DGKB: variants seen among roughly 807,000 people sequenced by gnomAD.
The protein encoded by DGKB is 90 kDa diacylglycerol kinase.
In DGKB, 67 loss-of-function variants were observed where a neutral mutation model predicts 114.3. The observed-to-expected ratio is 0.59, with a 90% CI of 0.48 to 0.72. DGKB has a LOEUF of 0.72. Ranked by LOEUF, DGKB falls within the 30% of genes least tolerant of loss-of-function variation. DGKB has a pLI of 0.00. For missense variants in DGKB, 907 were observed against 975.2 expected (o/e 0.93, Z 0.93); for synonymous variants, 398 against 323.1 (o/e 1.23, Z -2.49).
chr7:14,250,605 A>G (rs1037790943), intron 23 of DGKB, among the ~76,000 whole-genome samples: 2 of 152,132 alleles, frequency 1.3e-5, no homozygotes, highest in Admixed American at 1.3e-4. Context: ...CTTGAACAGA[A>G]TGTGCATTCT....
chr7:14,622,248 C>A (rs1214746349), intron 14 of DGKB, among the ~76,000 whole-genome samples: 1 of 151,968 alleles, frequency 6.6e-6, no homozygotes, highest in Non-Finnish European at 1.5e-5. Flanking sequence ...TTCCAGGACA[C>A]TTCTTTCTCT....
At chr7:14,882,947 AT>A (rs775566643) in intron 1 of DGKB, among the ~76,000 whole-genome samples, 3 of 151,938 alleles carry the variant, frequency 2.0e-5, no homozygotes, top group Non-Finnish European at 2.9e-5. Context: ...GAGTGCAGGT[AT>A]CTTTTGACAT....
upstream of DGKB, among the ~76,000 whole-genome samples, chr7:14,906,334 TAATAA>T (rs1228049273): frequency 1.3e-5 from 2 of 152,210 alleles, no homozygotes; most frequent in African/African-American, 4.8e-5. Context: ...TCATCACTCT[TAATAA>T]ATTAATTCTT....
intron 22 of DGKB, among the ~76,000 whole-genome samples, chr7:14,344,213 A>C (rs1812102941): frequency 6.6e-6 from 1 of 151,366 alleles, no homozygotes; most frequent in Admixed American, 6.6e-5. Flanking sequence ...TTCCTTTCAA[A>C]GGTTATGATC....
At chr7:14,567,764 G>A (rs1797803471) in intron 20 of DGKB, among the ~76,000 whole-genome samples, 1 of 150,406 alleles carries the variant, frequency 6.6e-6, no homozygotes, top group East Asian at 2.0e-4. Context: ...GTGCCTCCAT[G>A]CCCAGCTAAT....
chr7:14,427,625 G>A (rs1229219385), intron 21 of DGKB, among the ~76,000 whole-genome samples: 1 of 152,130 alleles, frequency 6.6e-6, no homozygotes, highest in Admixed American at 6.6e-5. Context: ...CACATGGCTG[G>A]GGAGGACTCA....
At position 14,416,994 on chromosome 7, in the gene DGKB, T is replaced by C. The variant is rs144679567; in HGVS notation, c.1835+61167A>G. 2.4e-3 allele frequency among the ~76,000 whole-genome samples: 359 copies of C among 152,158 alleles called. 3 individuals carry two copies. In the Middle Eastern group the frequency reaches 0.024, roughly 10 times the overall value. ...TTCCTTAGTGTAAGCAATCCAACAATGAAATATTCTCACAGTTACTGTACA... is the reference window on the plus strand; with the variant it reads ...TTCCTTAGTGTAAGCAATCCAACAACGAAATATTCTCACAGTTACTGTACA... On this transcript the variant is annotated intron_variant, in intron 21 of 25. Coordinates refer to ENST00000402815, the MANE Select transcript of DGKB (RefSeq NM_001350709.2).
intron 21 of DGKB, among the ~76,000 whole-genome samples, chr7:14,364,981 A>G (rs6958890): frequency 0.45 from 68,675 of 151,694 alleles, 15,986 homozygotes; most frequent in South Asian, 0.56. Flanking sequence ...CTAATACCAC[A>G]TTATGACACT....
At chr7:14,774,241 G>A (rs1202563816) in intron 2 of DGKB, among the ~76,000 whole-genome samples, 2 of 152,150 alleles carry the variant, frequency 1.3e-5, no homozygotes, top group Non-Finnish European at 2.9e-5. Context: ...AGTTACAGTC[G>A]ATTTGGAGAA....
chr7:14,919,648 C>G (rs1315622388), intron 1 of DGKB, among the ~76,000 whole-genome samples: 1 of 152,144 alleles, frequency 6.6e-6, no homozygotes, highest in African/African-American at 2.4e-5. Flanking sequence ...TGGTACATCT[C>G]TAAAATGAAA....
intron 23 of DGKB, among the ~76,000 whole-genome samples, chr7:14,220,140 A>G (rs1216022506): frequency 6.6e-6 from 1 of 151,658 alleles, no homozygotes; most frequent in African/African-American, 2.4e-5. Context: ...TGTACTGAAT[A>G]CTGTAGACAA....
intron 2 of DGKB, among the ~76,000 whole-genome samples, chr7:14,810,538 A>G (rs1190017102): frequency 3.3e-5 from 5 of 152,226 alleles, no homozygotes; most frequent in African/African-American, 7.2e-5. Flanking sequence ...ATATATTAAC[A>G]GTTCAAAATG....
intron 4 of DGKB, among the ~76,000 whole-genome samples, chr7:14,746,568 G>A (rs949348444): frequency 6.6e-6 from 1 of 152,026 alleles, no homozygotes; most frequent in African/African-American, 2.4e-5. Flanking sequence ...GCGTGATCTT[G>A]GCTCACTGCA....
intron 6 of DGKB, among the ~76,000 whole-genome samples, chr7:14,714,400 T>A (rs1827857892): frequency 6.6e-6 from 1 of 152,094 alleles, no homozygotes; most frequent in South Asian, 2.1e-4. Flanking sequence ...TAGGTTGGGG[T>A]CAAACTGTGG....
At chr7:14,275,078 C>G (rs1231902428) in intron 23 of DGKB, among the ~76,000 whole-genome samples, 2 of 152,078 alleles carry the variant, frequency 1.3e-5, no homozygotes, top group Non-Finnish European at 2.9e-5. Context: ...TTAAACATCA[C>G]TTTCTCTGAA....
At chr7:14,507,349 A>G (rs2128967030) in intron 20 of DGKB, among the ~76,000 whole-genome samples, 1 of 152,294 alleles carries the variant, frequency 6.6e-6, no homozygotes, top group African/African-American at 2.4e-5. Flanking sequence ...GCATATTGCC[A>G]GTTTTAATGA....
intron 20 of DGKB, among the ~76,000 whole-genome samples, chr7:14,551,288 T>G (rs1720378620): frequency 6.6e-6 from 1 of 152,208 alleles, no homozygotes; most frequent in African/African-American, 2.4e-5. Flanking sequence ...ATTTCTACAG[T>G]TAACATAGAC....
intron 17 of DGKB, among the ~76,000 whole-genome samples, chr7:14,593,288 T>G (rs1309000989): frequency 6.6e-6 from 1 of 151,968 alleles, no homozygotes; most frequent in Non-Finnish European, 1.5e-5. Context: ...GAGAGAATAT[T>G]TATTCCTGGG....
intron 2 of DGKB, among the ~76,000 whole-genome samples, chr7:14,825,798 T>G (rs1003510198): frequency 3.3e-5 from 5 of 152,128 alleles, no homozygotes; most frequent in African/African-American, 9.7e-5. Flanking sequence ...ATCCAGGCAA[T>G]TTTTCCCTTC....
Sources: gnomAD v4.1 joint callset for allele counts (sites outside exome capture counted in the v4.1 genomes callset) on GRCh38, gnomAD v4.1.1 for gene constraint, MANE v1.5 for transcripts, NCBI Gene and HGNC (gene_info 2026-07-23, HGNC 2026-07-21) for gene names.